The following GRIK2 variants were observed in gnomAD, a reference collection of about 807,000 sequenced individuals.
The protein encoded by GRIK2 is glutamate ionotropic receptor kainate type subunit 2, also known as glutamate receptor ionotropic, kainate 2.
Under a neutral mutation model 100.3 loss-of-function variants are expected in GRIK2, and 32 were observed. That is an observed-to-expected ratio of 0.32 (90% confidence interval 0.24 to 0.43). GRIK2 has a LOEUF of 0.43. Among genes scored for constraint, GRIK2 ranks in the 20% least tolerant of loss-of-function variants. The pLI is 1.00. For synonymous variants in GRIK2, 417 were observed against 389.4 expected, an observed-to-expected ratio of 1.07 and a Z score of -0.83; for missense variants, 843 against 1,114.9, an observed-to-expected ratio of 0.76 and a Z score of 3.47.
chr6:101,560,392 G>C (rs937518192), intron 2 of GRIK2, among the ~76,000 whole-genome samples: 4 of 152,020 alleles, frequency 2.6e-5, no homozygotes, highest in Admixed American at 2.6e-4. Flanking sequence ...TTTAGGGTTA[G>C]TGATCTGTGA....
At chr6:101,686,411 T>C (rs1252367076) in intron 7 of GRIK2, 58 bp downstream of exon 7, 25 of 1,330,274 alleles carry the variant, frequency 1.9e-5, no homozygotes, top group Non-Finnish European at 2.6e-5. Flanking sequence ...TGCATACATA[T>C]GAACTTCTGG....
chr6:102,001,385 T>G (rs1582698237), intron 14 of GRIK2, among the ~76,000 whole-genome samples: 1 of 151,606 alleles, frequency 6.6e-6, no homozygotes, highest in Non-Finnish European at 1.5e-5. Flanking sequence ...GGCCCCAGTA[T>G]GTGATGTTCC....
intron 4 of GRIK2, among the ~76,000 whole-genome samples, chr6:101,675,168 C>A (rs997355984): frequency 6.6e-6 from 1 of 151,904 alleles, no homozygotes; most frequent in Non-Finnish European, 1.5e-5. Flanking sequence ...CCCTCTCCAT[C>A]CCTCTCTTCC....
intron 14 of GRIK2, among the ~76,000 whole-genome samples, chr6:102,011,659 C>T (rs2114317128): frequency 7.1e-6 from 1 of 141,244 alleles, no homozygotes; most frequent in Non-Finnish European, 1.5e-5. Flanking sequence ...TCTCGGCTCA[C>T]TGTATGCTCC....
chr6:102,048,135 G>T (rs753678974), intron 15 of GRIK2, among the ~76,000 whole-genome samples: 9 of 151,032 alleles, frequency 6.0e-5, no homozygotes, highest in Admixed American at 3.3e-4. Context: ...AATCAACGGC[G>T]TTGAGAAAAC....
chr6:101,518,201 T>C (rs993366632), intron 2 of GRIK2, among the ~76,000 whole-genome samples: 17 of 152,174 alleles, frequency 1.1e-4, no homozygotes, highest in Non-Finnish European at 5.9e-5. Flanking sequence ...AAAAGTGCTA[T>C]GGCAAGTGTT....
At chr6:101,554,216 T>G (rs2852571) in intron 2 of GRIK2, among the ~76,000 whole-genome samples, 94,900 of 151,914 alleles carry the variant, frequency 0.62, 30,019 homozygotes, top group Middle Eastern at 0.68. Flanking sequence ...AGAGACCCAA[T>G]GTGAGACCAA....
chr6:101,828,735 C>G (rs946616103), intron 10 of GRIK2, among the ~76,000 whole-genome samples: 2 of 151,900 alleles, frequency 1.3e-5, no homozygotes, highest in African/African-American at 2.4e-5. Context: ...AACAGAAATC[C>G]TGAACAGACT....
intron 14 of GRIK2, among the ~76,000 whole-genome samples, chr6:102,030,971 GT>G (rs1483524775): frequency 1.3e-5 from 2 of 150,784 alleles, no homozygotes; most frequent in Admixed American, 6.7e-5. Flanking sequence ...TCTTCTTTCA[GT>G]TTTTTCCTCT....
At chr6:102,035,261 C>T in intron 14 of GRIK2, 80 bp from the exon 15 acceptor site, 1 of 622,830 alleles carries the variant, frequency 1.6e-6, no homozygotes, top group South Asian at 2.2e-5. Context: ...AAATGTAGTT[C>T]ATTGTGTCTA....
At chr6:102,061,634 C>G in intron 16 of GRIK2, among the ~76,000 whole-genome samples, 1 of 150,198 alleles carries the variant, frequency 6.7e-6, no homozygotes, top group Non-Finnish European at 1.5e-5. Flanking sequence ...TTTGTTTAAC[C>G]TTAGATAAAA....
chr6:101,639,863 A>G lies in GRIK2; in HGVS notation c.541+13226A>G, dbSNP rs79878252. Among the ~76,000 whole-genome samples, 666 of 152,256 alleles carry G rather than the reference A, an allele frequency of 4.4e-3. 5 individuals carry two copies. Among genetic ancestry groups the G allele is most frequent in the African/African-American group, 0.015 (638 of 41,544 alleles). ...TATCCACTAGGATAGTATTTCAGTG[A>G]CTCAAAAAGGAACCAAACAAATAAT... On this transcript the variant is annotated intron_variant, in intron 4 of 16. Coordinates refer to ENST00000369134, the MANE Select transcript of GRIK2 (RefSeq NM_021956.5).
Position 101,818,453 on chromosome 6 carries a change from C to T in GRIK2, c.1287C>T (p.Ser429=), listed in dbSNP as rs752702455. The T allele has an allele frequency of 3.7e-5, 60 of 1,606,130 alleles. No individual in the cohort carries two copies. Among genetic ancestry groups the T allele is most frequent in the Middle Eastern group, 3.3e-4 (2 of 6,066 alleles). The part of the protein sequence containing the change: ...GKPANITDSL[S]NRSLIVTTIL... The stretch of plus-strand genomic sequence containing the variant: ...CAGCGAACATCACAGATTCCTTATC[C>T]AATCGTTCTTTGATTGTTACCACCA... Residue 429 remains serine, a synonymous_variant, in exon 10 of 17, where the codon TCC becomes TCT. Transcript: ENST00000369134.
At chr6:101,533,876 A>G (rs1463089264) in intron 2 of GRIK2, among the ~76,000 whole-genome samples, 1 of 151,980 alleles carries the variant, frequency 6.6e-6, no homozygotes, top group East Asian at 1.9e-4. Context: ...ACTGGAATTG[A>G]TTGAATATAG....
intron 10 of GRIK2, among the ~76,000 whole-genome samples, chr6:101,823,435 G>C (rs1298393251): frequency 1.4e-5 from 2 of 146,442 alleles, no homozygotes; most frequent in African/African-American, 2.6e-5. Flanking sequence ...TATGCCTAAA[G>C]CTCAGCTCTA....
At chr6:101,997,820 C>G (rs1324635544) in intron 14 of GRIK2, among the ~76,000 whole-genome samples, 1 of 151,306 alleles carries the variant, frequency 6.6e-6, no homozygotes, top group Non-Finnish European at 1.5e-5. Context: ...TTGACTAATT[C>G]CTCTTTTTTC....
chr6:101,879,559 C>G (rs1422482685), intron 11 of GRIK2, among the ~76,000 whole-genome samples: 1 of 151,918 alleles, frequency 6.6e-6, no homozygotes, highest in Non-Finnish European at 1.5e-5. Context: ...CTCTCAGCCA[C>G]CTAGTCCTAA....
chr6:101,798,349 A>G (rs143955432), intron 7 of GRIK2, among the ~76,000 whole-genome samples: 1 of 152,234 alleles, frequency 6.6e-6, no homozygotes, highest in East Asian at 1.9e-4. Flanking sequence ...CCTCAGGCTC[A>G]GGATGTATGC....
chr6:102,052,791 A>G (rs1771264820), intron 15 of GRIK2, among the ~76,000 whole-genome samples: 1 of 152,190 alleles, frequency 6.6e-6, no homozygotes, highest in Non-Finnish European at 1.5e-5. Context: ...ATATTTATAT[A>G]AAAGAAATTA....
Sources: gnomAD v4.1 joint callset for allele counts (sites outside exome capture counted in the v4.1 genomes callset) on GRCh38, gnomAD v4.1.1 for gene constraint, MANE v1.5 for transcripts, NCBI Gene and HGNC (gene_info 2026-07-23, HGNC 2026-07-21) for gene names.